The following LRRC37A2 variants were observed in gnomAD, a reference collection of about 807,000 sequenced individuals.
LRRC37A2 encodes the protein leucine-rich repeat-containing protein 37A2.
LRRC37A2 carries 9 observed loss-of-function variants against 68.8 expected under a neutral mutation model. The ratio of observed to expected loss-of-function variants is 0.13; its 90% confidence interval spans 0.08 to 0.23. The LOEUF (loss-of-function observed/expected upper bound fraction) is 0.23, where lower values mean the gene tolerates loss of function less well. Ranked by LOEUF, LRRC37A2 falls within the 10% of genes least tolerant of loss-of-function variation. The probability of loss-of-function intolerance (pLI) is 1.00; values close to 1 mark genes in which losing one functional copy is unlikely to be tolerated. For missense variants in LRRC37A2, 168 were observed against 950.4 expected (o/e 0.18, Z 10.82); for synonymous variants, 63 against 367.6 (o/e 0.17, Z 9.48).
At chr17:46,784,777 CTTTT>C in the LRRC37A2 span, among the ~76,000 whole-genome samples, 16 of 129,258 alleles carry the variant, frequency 1.2e-4, no homozygotes, top group Non-Finnish European at 1.5e-4. Context: ...TTTTGCTTTT[CTTTT>C]TTTTTTTTTT....
chr17:46,994,057 C>G, the LRRC37A2 span, among the ~76,000 whole-genome samples: 1 of 152,210 alleles, frequency 6.6e-6, no homozygotes, highest in African/African-American at 2.4e-5. Flanking sequence ...TCAACATTGA[C>G]TATACCGTGG....
At chr17:46,805,697 G>T in the LRRC37A2 span, among the ~76,000 whole-genome samples, 45 of 152,304 alleles carry the variant, frequency 3.0e-4, 1 homozygote, top group Non-Finnish European at 5.6e-4. Context: ...GCTACAGTGG[G>T]CTGTGATTGT....
the LRRC37A2 span, chr17:46,930,444 C>T: frequency 1.3e-5 from 2 of 152,144 alleles, no homozygotes; most frequent in Non-Finnish European, 1.5e-5. Context: ...ACTGTCTTAT[C>T]GAAAGGGATA....
the LRRC37A2 span, chr17:46,773,623 T>TGCCCCC: frequency 5.0e-5 from 19 of 383,492 alleles, no homozygotes; most frequent in Non-Finnish European, 8.8e-5. Context: ...TCCTGATCCC[T>TGCCCCC]CCCCCCACCC....
chr17:46,708,133 G>A, the LRRC37A2 span, among the ~76,000 whole-genome samples: 3 of 151,800 alleles, frequency 2.0e-5, no homozygotes, highest in Non-Finnish European at 4.4e-5. Flanking sequence ...TGGCTATTTT[G>A]AGTAATGCTG....
At chr17:47,019,368 A>C in the LRRC37A2 span, 2 of 1,610,604 alleles carry the variant, frequency 1.2e-6, no homozygotes, top group South Asian at 2.2e-5. Flanking sequence ...CCTGGAGCTT[A>C]CCATAACTAC....
the LRRC37A2 span, among the ~76,000 whole-genome samples, chr17:46,856,585 G>A: frequency 1.5e-3 from 231 of 151,642 alleles, 4 homozygotes; most frequent in African/African-American, 5.0e-3. Flanking sequence ...CCCGGTTCAA[G>A]TGATTCTCCT....
chr17:46,846,897 T>C, the LRRC37A2 span, among the ~76,000 whole-genome samples: 1 of 152,154 alleles, frequency 6.6e-6, no homozygotes, highest in Non-Finnish European at 1.5e-5. Flanking sequence ...ACAGGGGCCC[T>C]TCCCGCAGAA....
At chr17:47,018,217 C>T in the LRRC37A2 span, 3 of 1,612,058 alleles carry the variant, frequency 1.9e-6, no homozygotes, top group South Asian at 2.2e-5. Flanking sequence ...CAACAGGAGG[C>T]CCCAATTGAG....
the LRRC37A2 span, among the ~76,000 whole-genome samples, chr17:46,731,322 A>G: frequency 1.1e-4 from 16 of 152,234 alleles, no homozygotes; most frequent in Admixed American, 3.3e-4. Flanking sequence ...GGGATGGCCT[A>G]GGGCTGGGAG....
the LRRC37A2 span, among the ~76,000 whole-genome samples, chr17:46,984,803 T>A: frequency 6.6e-6 from 1 of 152,244 alleles, no homozygotes; most frequent in African/African-American, 2.4e-5. Flanking sequence ...GTTCTTTGTA[T>A]GAGCCATTTT....
At chr17:46,717,674 T>G in the LRRC37A2 span, among the ~76,000 whole-genome samples, 2 of 152,156 alleles carry the variant, frequency 1.3e-5, no homozygotes, top group African/African-American at 4.8e-5. Context: ...AGCACACCAC[T>G]GCACTCCAGC....
the LRRC37A2 span, among the ~76,000 whole-genome samples, chr17:46,759,204 G>C: frequency 6.6e-6 from 1 of 152,120 alleles, no homozygotes; most frequent in Non-Finnish European, 1.5e-5. Context: ...CTCTTGTCTC[G>C]AAAAATAAAA....
chr17:46,855,729 C>T, the LRRC37A2 span, among the ~76,000 whole-genome samples: 20 of 152,172 alleles, frequency 1.3e-4, no homozygotes, highest in Non-Finnish European at 2.4e-4. Context: ...GACGGAGTCT[C>T]GCTCTGTCAC....
At chr17:46,770,943 C>T in the LRRC37A2 span, among the ~76,000 whole-genome samples, 1 of 152,372 alleles carries the variant, frequency 6.6e-6, no homozygotes, top group East Asian at 1.9e-4. Flanking sequence ...TGGCAGGACC[C>T]GGGAGCCGGA....
At chr17:47,043,850 G>A in the LRRC37A2 span, among the ~76,000 whole-genome samples, 1 of 131,628 alleles carries the variant, frequency 7.6e-6, no homozygotes, top group African/African-American at 2.6e-5. Flanking sequence ...AACCAGCCTG[G>A]CCAACATGGT....
At chr17:46,873,410 G>C in the LRRC37A2 span, among the ~76,000 whole-genome samples, 1 of 152,110 alleles carries the variant, frequency 6.6e-6, no homozygotes, top group African/African-American at 2.4e-5. Flanking sequence ...GAAGCATGCA[G>C]TCTGGAAGGG....
intron 6 of LRRC37A2, among the ~76,000 whole-genome samples, chr17:46,525,618 A>ATAG (rs2052627440): frequency 1.0e-5 from 1 of 98,576 alleles, no homozygotes; most frequent in Non-Finnish European, 2.3e-5. Flanking sequence ...AATAATAATC[A>ATAG]TCATCATCAT....
At chr17:46,385,193 TG>T in the LRRC37A2 span, among the ~76,000 whole-genome samples, 2 of 101,036 alleles carry the variant, frequency 2.0e-5, 1 homozygote, top group East Asian at 5.0e-4. Context: ...GATATAATTT[TG>T]TGAACCATAG....
Sources: allele counts gnomAD v4.1 joint callset (sites outside exome capture counted in the v4.1 genomes callset), GRCh38; gene constraint gnomAD v4.1.1; transcripts MANE v1.5; gene names NCBI Gene and HGNC (gene_info 2026-07-23, HGNC 2026-07-21).